Variants in CSMD1 observed in about 807,000 individuals in gnomAD.
CSMD1 encodes the protein CUB and Sushi multiple domains 1, also known as CUB and sushi domain-containing protein 1.
A neutral mutation model predicts 417.5 loss-of-function variants in CSMD1; 213 were observed. The observed-to-expected ratio is 0.51, with a 90% confidence interval of 0.46 to 0.57. The LOEUF (loss-of-function observed/expected upper bound fraction) is 0.57, where lower values mean the gene tolerates loss of function less well. Among genes scored for constraint, CSMD1 ranks in the 20% least tolerant of loss-of-function variants. CSMD1 has a pLI of 0.00. For missense variants in CSMD1, 6,923 were observed against 4,529.7 expected (o/e 1.53, Z -15.17); for synonymous variants, 2,862 against 1,736.8 (o/e 1.65, Z -16.11).
chr8:3,008,860 G>T (rs1167734013), intron 52 of CSMD1, among the ~76,000 whole-genome samples: 1 of 152,176 alleles, frequency 6.6e-6, no homozygotes, highest in Non-Finnish European at 1.5e-5. Context: ...AAAGAGACCT[G>T]AGGTACTTGT....
intron 3 of CSMD1, among the ~76,000 whole-genome samples, chr8:4,271,268 T>A (rs1013605293): frequency 2.0e-5 from 3 of 152,168 alleles, no homozygotes; most frequent in Non-Finnish European, 4.4e-5. Flanking sequence ...CATGAAGCTG[T>A]AGGGGTTGGT....
At chr8:3,626,650 T>C (rs910077969) in intron 7 of CSMD1, among the ~76,000 whole-genome samples, 3 of 151,580 alleles carry the variant, frequency 2.0e-5, no homozygotes, top group Admixed American at 6.6e-5. Context: ...TTGATTATAG[T>C]TCATTAGTGA....
intron 7 of CSMD1, among the ~76,000 whole-genome samples, chr8:3,642,724 AAAAG>A (rs1797368150): frequency 6.6e-6 from 1 of 152,200 alleles, no homozygotes; most frequent in African/African-American, 2.4e-5. Flanking sequence ...ATCTATTAGT[AAAAG>A]AAAGACTAGA....
At chr8:3,275,277 A>G (rs904884902) in intron 26 of CSMD1, among the ~76,000 whole-genome samples, 23 of 152,262 alleles carry the variant, frequency 1.5e-4, no homozygotes, top group African/African-American at 5.1e-4. Flanking sequence ...TCTGGCTTGT[A>G]GAGTTTCTGT....
At chr8:4,428,729 T>C (rs1223800873) in intron 2 of CSMD1, among the ~76,000 whole-genome samples, 1 of 152,124 alleles carries the variant, frequency 6.6e-6, no homozygotes, top group Non-Finnish European at 1.5e-5. Flanking sequence ...TATTATTTAT[T>C]TATTTATTGA....
chr8:4,533,097 A>T (rs1796919064), intron 2 of CSMD1, among the ~76,000 whole-genome samples: 1 of 152,216 alleles, frequency 6.6e-6, no homozygotes, highest in Non-Finnish European at 1.5e-5. Flanking sequence ...TTCTAGATAC[A>T]TCATATAAAT....
intron 5 of CSMD1, among the ~76,000 whole-genome samples, chr8:3,848,135 T>C (rs1803639115): frequency 6.6e-6 from 1 of 152,142 alleles, no homozygotes; most frequent in African/African-American, 2.4e-5. Flanking sequence ...TTATTTTTGC[T>C]GTGACTGCTG....
chr8:4,415,145 A>C (rs953941529), intron 3 of CSMD1, among the ~76,000 whole-genome samples: 1 of 152,108 alleles, frequency 6.6e-6, no homozygotes, highest in East Asian at 1.9e-4. Flanking sequence ...TCTACCCTTC[A>C]GATAGGGCAG....
chr8:3,188,304 C>CTT (rs33913660), intron 35 of CSMD1, among the ~76,000 whole-genome samples: 29,261 of 87,608 alleles, frequency 0.33, 9,147 homozygotes, highest in Non-Finnish European at 0.4. Flanking sequence ...CTTTTCCTTT[C>CTT]TTTTTTTTTT....
chr8:3,918,587 C>G (rs540437840), intron 5 of CSMD1, among the ~76,000 whole-genome samples: 6 of 152,002 alleles, frequency 3.9e-5, no homozygotes, highest in South Asian at 2.1e-4. Context: ...GGACATTAAC[C>G]CCTTATTGAA....
chr8:3,989,516 AG>A (rs1273628975), intron 5 of CSMD1, among the ~76,000 whole-genome samples: 25 of 152,198 alleles, frequency 1.6e-4, no homozygotes, highest in African/African-American at 6.0e-4. Context: ...AATACTCCAC[AG>A]GGTAGGATAA....
intron 5 of CSMD1, among the ~76,000 whole-genome samples, chr8:3,862,328 G>A (rs367685092): frequency 1.3e-5 from 2 of 152,266 alleles, no homozygotes; most frequent in East Asian, 1.9e-4. Context: ...GCCCAAGGGC[G>A]TCCACCAGGT....
At chr8:4,251,779 GGA>G (rs1390426092) in intron 3 of CSMD1, among the ~76,000 whole-genome samples, 1 of 151,850 alleles carries the variant, frequency 6.6e-6, no homozygotes, top group African/African-American at 2.4e-5. Context: ...ATGCAGGGAT[GGA>G]GAGATGGAGG....
intron 3 of CSMD1, among the ~76,000 whole-genome samples, chr8:4,378,471 C>T (rs1802893425): frequency 6.6e-6 from 1 of 152,116 alleles, no homozygotes; most frequent in Non-Finnish European, 1.5e-5. Flanking sequence ...ACTCTGTCTC[C>T]CTAGTTTTTA....
chr8:3,004,344 T>C (rs1049302439), intron 52 of CSMD1, among the ~76,000 whole-genome samples: 8 of 152,152 alleles, frequency 5.3e-5, no homozygotes, highest in Non-Finnish European at 1.2e-4. Context: ...AGCTCGGACA[T>C]CATGAAGCCT....
intron 1 of CSMD1, among the ~76,000 whole-genome samples, chr8:4,657,661 G>C (rs1042830262): frequency 1.3e-5 from 2 of 150,266 alleles, no homozygotes; most frequent in African/African-American, 2.4e-5. Context: ...AACATGGCCA[G>C]TTCTCAAAAA....
intron 2 of CSMD1, among the ~76,000 whole-genome samples, chr8:4,567,259 T>C (rs1585260300): frequency 6.6e-6 from 1 of 152,194 alleles, no homozygotes; most frequent in South Asian, 2.1e-4. Flanking sequence ...TTTCATTCAC[T>C]ACAATTGTAA....
intron 12 of CSMD1, among the ~76,000 whole-genome samples, chr8:3,436,014 C>G (rs547958688): frequency 6.6e-6 from 1 of 152,174 alleles, no homozygotes; most frequent in Non-Finnish European, 1.5e-5. Context: ...CACATCCCAG[C>G]TACCCAGGTG....
intron 49 of CSMD1, among the ~76,000 whole-genome samples, chr8:3,078,952 G>A (rs1305119885): frequency 6.6e-6 from 1 of 150,898 alleles, no homozygotes; most frequent in Non-Finnish European, 1.5e-5. Flanking sequence ...CAACATTTGC[G>A]TTTAGTCCTT....
Sources: gnomAD v4.1 joint callset for allele counts (sites outside exome capture counted in the v4.1 genomes callset) on GRCh38, gnomAD v4.1.1 for gene constraint, MANE v1.5 for transcripts, NCBI Gene and HGNC (gene_info 2026-07-23, HGNC 2026-07-21) for gene names.